The following INO80D variants were observed in gnomAD, a reference collection of about 807,000 sequenced individuals.
The protein encoded by INO80D is INO80 complex subunit D.
INO80D carries 21 observed loss-of-function variants against 87.6 expected under a neutral mutation model. The observed-to-expected ratio is 0.24, with a 90% confidence interval of 0.17 to 0.35. INO80D has a LOEUF of 0.35. INO80D is among the 10% of genes least tolerant of loss of function. The pLI, the probability that INO80D is intolerant of heterozygous loss-of-function variation, is 1.00. For synonymous variants in INO80D, 440 were observed against 491.0 expected (o/e 0.90, Z 1.37); for missense variants, 982 against 1,280.7 (o/e 0.77, Z 3.56).
chr2:206,055,543 G>C (rs1689493197), intron 4 of INO80D, among the ~76,000 whole-genome samples: 2 of 152,092 alleles, frequency 1.3e-5, no homozygotes, highest in Admixed American at 6.6e-5. Context: ...AACTTCACTA[G>C]ATGCACAGGT....
chr2:206,009,309 G>GA (rs538064764), intron 9 of INO80D, among the ~76,000 whole-genome samples: 14 of 149,264 alleles, frequency 9.4e-5, no homozygotes, highest in Middle Eastern at 3.4e-3. Context: ...TTGGTCTCAA[G>GA]AAAAAAAAAA....
At chr2:206,050,552 A>G (rs750193933) in intron 4 of INO80D, among the ~76,000 whole-genome samples, 1 of 148,292 alleles carries the variant, frequency 6.7e-6, no homozygotes, top group Non-Finnish European at 1.5e-5. Flanking sequence ...CTAAGATGAC[A>G]TAATATTTCA....
Position 206,067,921 on chromosome 2 carries a change from C to A in INO80D, c.-123-4677G>T, listed in dbSNP as rs200113854. 3.6e-4 allele frequency among the ~76,000 whole-genome samples: 55 copies of A among 152,000 alleles called. No individual in the cohort carries two copies. In the East Asian group the frequency reaches 8.9e-3, roughly 25 times the overall value. On this transcript the variant is annotated intron_variant, in intron 1 of 10. Coordinates refer to ENST00000403263, the MANE Select transcript of INO80D (RefSeq NM_017759.5). ...TCGTGCCACTGCACTCCAGCCTGGGCAACAGAGGGAAACCCTGTTTCAAAA... is the reference window on the plus strand; with the variant it reads ...TCGTGCCACTGCACTCCAGCCTGGGAAACAGAGGGAAACCCTGTTTCAAAA...
chr2:206,054,411 G>A (rs540501925), intron 4 of INO80D, among the ~76,000 whole-genome samples: 25 of 152,210 alleles, frequency 1.6e-4, no homozygotes, highest in Non-Finnish European at 2.9e-4. Context: ...TTTTAATGCT[G>A]CAAACAATGT....
intron 1 of INO80D, among the ~76,000 whole-genome samples, chr2:206,077,011 C>T (rs970428911): frequency 6.6e-6 from 1 of 152,124 alleles, no homozygotes; most frequent in Non-Finnish European, 1.5e-5. Flanking sequence ...CGGTGGCTCA[C>T]GCCTGTAATC....
At chr2:206,029,317 G>T (rs1213365935) in intron 5 of INO80D, among the ~76,000 whole-genome samples, 1 of 152,200 alleles carries the variant, frequency 6.6e-6, no homozygotes, top group Non-Finnish European at 1.5e-5. Context: ...ATGCTATGTG[G>T]AAGTGATGCT....
chr2:206,049,516 C>G (rs1689290073), intron 4 of INO80D, among the ~76,000 whole-genome samples: 1 of 152,148 alleles, frequency 6.6e-6, no homozygotes, highest in Non-Finnish European at 1.5e-5. Flanking sequence ...TCTTGACTTT[C>G]TCTGAGGAAG....
rs781059193 is a variant in INO80D at position 206,056,399 on chromosome 2, C to T, written c.763G>A (p.Ala255Thr). ...GGCCTCTTGTGAGACAACTGCCGTG[C>T]TTGTGCTATAGTGTGTGTGGTGGGT... ...VAPTTHTIAQ[A>T]RQLSHKRPLP... Residue 255 changes from alanine (A) to threonine (T), a missense_variant, in exon 4 of 11, where the codon GCA (alanine) becomes ACA (threonine). Coordinates refer to ENST00000403263, the MANE Select transcript of INO80D (RefSeq NM_017759.5). The T allele has an allele frequency of 1.9e-6, 3 of 1,613,800 alleles. No individual in the cohort carries two copies. In the East Asian group the frequency reaches 6.7e-5, roughly 36 times the overall value.
chr2:206,074,369 T>A (rs1690054221), intron 1 of INO80D, among the ~76,000 whole-genome samples: 1 of 152,160 alleles, frequency 6.6e-6, no homozygotes, highest in Admixed American at 6.5e-5. Flanking sequence ...ATCCCAGCAC[T>A]TTGGGAGGCC....
rs1687891742 is a variant in INO80D at position 206,000,529 on chromosome 2, CA to C, written c.*3838del. On this transcript the variant is annotated 3_prime_UTR_variant, in exon 11 of 11. Coordinates refer to ENST00000403263, the MANE Select transcript of INO80D (RefSeq NM_017759.5). ...AGGTCAACAGAAAGGTCAATTCTTTCATGTAAGAAGAAAACCGTATGGACAG... is the reference window on the plus strand; with the variant it reads ...AGGTCAACAGAAAGGTCAATTCTTTCTGTAAGAAGAAAACCGTATGGACAG... The C allele has an allele frequency of 6.6e-6, 1 of 151,756 alleles. No individual in the cohort carries two copies. The highest frequency in any genetic ancestry group is 1.5e-5 in the Non-Finnish European group (1 of 67,974). The allele number at this position is 151,756 out of a possible 1,614,324, so 9.4% of individuals were successfully genotyped here. A position where few individuals can be genotyped will look rare whatever the true frequency, so the allele number is the denominator to read the frequency against.
chr2:206,032,204 C>T (rs1688787268), intron 5 of INO80D, among the ~76,000 whole-genome samples: 2 of 152,298 alleles, frequency 1.3e-5, no homozygotes, highest in East Asian at 1.9e-4. Context: ...GTGGGGAAGG[C>T]CACAAATCGT....
intron 6 of INO80D, among the ~76,000 whole-genome samples, chr2:206,023,319 C>T (rs914371118): frequency 1.3e-5 from 2 of 151,938 alleles, no homozygotes; most frequent in African/African-American, 4.8e-5. Flanking sequence ...GACTTTAATA[C>T]CGAAAATATC....
At chr2:206,041,299 T>C (rs192387829) in intron 5 of INO80D, among the ~76,000 whole-genome samples, 7 of 152,240 alleles carry the variant, frequency 4.6e-5, no homozygotes, top group African/African-American at 1.7e-4. Context: ...CAAGACCCAG[T>C]AATACATTGC....
At chr2:206,053,051 C>T (rs1689417794) in intron 4 of INO80D, among the ~76,000 whole-genome samples, 1 of 151,844 alleles carries the variant, frequency 6.6e-6, no homozygotes, top group Non-Finnish European at 1.5e-5. Context: ...TATTTTCACA[C>T]ACTGCTTAAA....
At chr2:206,063,354 T>C in intron 1 of INO80D, 110 bp from the exon 2 acceptor site, 2 of 427,162 alleles carry the variant, frequency 4.7e-6, no homozygotes, top group Non-Finnish European at 8.1e-6. Context: ...GATTCTTCAC[T>C]GTAAATCAAC....
At chr2:206,080,310 G>A (rs572225901) in intron 1 of INO80D, among the ~76,000 whole-genome samples, 5 of 152,190 alleles carry the variant, frequency 3.3e-5, no homozygotes, top group South Asian at 2.1e-4. Flanking sequence ...TACCGTCCAC[G>A]GGGACTCACA....
intron 1 of INO80D, among the ~76,000 whole-genome samples, chr2:206,084,273 A>AC (rs35924014): frequency 2.1e-5 from 3 of 144,508 alleles, no homozygotes; most frequent in Non-Finnish European, 4.6e-5. Context: ...ACACACACAC[A>AC]CCCCAAAACC....
intron 1 of INO80D, among the ~76,000 whole-genome samples, chr2:206,069,388 C>T (rs1012784959): frequency 6.6e-6 from 1 of 152,066 alleles, no homozygotes; most frequent in African/African-American, 2.4e-5. Flanking sequence ...ATGTGTTAAT[C>T]TGTTCACGTT....
chr2:206,044,481 TAAAA>T (rs55925923), intron 5 of INO80D, among the ~76,000 whole-genome samples: 2 of 112,542 alleles, frequency 1.8e-5, no homozygotes, highest in Non-Finnish European at 1.8e-5. Flanking sequence ...AAATACCTGT[TAAAA>T]AAAAAAAAAA....
Sources: allele counts gnomAD v4.1 joint callset (sites outside exome capture counted in the v4.1 genomes callset), GRCh38; gene constraint gnomAD v4.1.1; transcripts MANE v1.5; gene names NCBI Gene and HGNC (gene_info 2026-07-23, HGNC 2026-07-21).